The following ANO3 variants were observed in gnomAD, a reference collection of about 807,000 sequenced individuals.
ANO3 encodes the protein anoctamin 3, also known as anoctamin-3.
A neutral mutation model predicts 144.8 loss-of-function variants in ANO3; 99 were observed. The observed-to-expected ratio is 0.68, with a 90% CI of 0.58 to 0.81. ANO3 has a LOEUF of 0.81. ANO3 is among the 30% of genes least tolerant of loss of function. ANO3 has a pLI of 0.00. For synonymous variants in ANO3, 414 were observed against 392.6 expected, an observed-to-expected ratio of 1.05 and a Z score of -0.64; for missense variants, 905 against 1,202.2, an observed-to-expected ratio of 0.75 and a Z score of 3.66.
At chr11:26,565,255 T>C (rs1183723224) in intron 14 of ANO3, 2 of 1,587,192 alleles carry the variant, frequency 1.3e-6, no homozygotes, top group East Asian at 4.5e-5. Context: ...TGATAAGGGG[T>C]AAACCCAGTG....
chr11:26,512,200 T>C (rs746916610), intron 5 of ANO3, among the ~76,000 whole-genome samples: 41 of 152,222 alleles, frequency 2.7e-4, no homozygotes, highest in Non-Finnish European at 5.1e-4. Context: ...TCTTATCCTA[T>C]GTTCTTTCCA....
At position 26,303,633 on chromosome 11, in the gene ANO3, C is replaced by A. The variant is rs537314423; in HGVS notation, c.155-6012C>A. Among the ~76,000 whole-genome samples, 148 of 152,260 alleles carry A rather than the reference C, an allele frequency of 9.7e-4. 1 individual carries two copies. Among genetic ancestry groups the A allele is most frequent in the African/African-American group, 3.3e-3 (138 of 41,552 alleles). ...CTAGCTGATGGGATCATCCATATCC[C>A]AAACCTCAGCATCATGCAATATACC... On this transcript the variant is annotated intron_variant, in intron 1 of 27. Transcript: ENST00000672621.
At position 26,656,148 on chromosome 11, in the gene ANO3, A is replaced by G; in HGVS notation, c.2600A>G (p.Asn867Ser). 1.2e-6 allele frequency: 2 copies of G among 1,613,612 alleles called. No homozygotes were observed. The highest frequency in any genetic ancestry group is 8.5e-7 in the Non-Finnish European group (1 of 1,179,608). The change falls in exon 25 of 27, where the codon AAT becomes AGT. Residue 867 changes from asparagine (N) to serine (S), a missense_variant. By Grantham distance (46) the Asn-to-Ser change is conservative (BLOSUM62 1). Coordinates refer to ENST00000256737, the MANE Select transcript of ANO3 (RefSeq NM_031418.4). ...AGTTGCTTGAAGGGATATGTCAACA[A>G]TAGCCTATCCTTCTTTGACCTGAGT... ...SENCLKGYVN[N>S]SLSFFDLSEL...
intron 23 of ANO3, among the ~76,000 whole-genome samples, chr11:26,644,588 C>G (rs1565162884): frequency 6.6e-6 from 1 of 152,144 alleles, no homozygotes; most frequent in African/African-American, 2.4e-5. Flanking sequence ...GTACATTTCT[C>G]TATTTCTGCA....
chr11:26,452,067 C>T (rs1858964958), intron 3 of ANO3, among the ~76,000 whole-genome samples: 1 of 152,164 alleles, frequency 6.6e-6, no homozygotes, highest in African/African-American at 2.4e-5. Context: ...GACATCCACA[C>T]CAAAAGCCCA....
intron 17 of ANO3, among the ~76,000 whole-genome samples, chr11:26,622,810 G>A (rs1328943358): frequency 1.3e-5 from 2 of 152,108 alleles, no homozygotes; most frequent in Non-Finnish European, 2.9e-5. Flanking sequence ...TTGTTGTTAA[G>A]GAATAATAAT....
Position 26,474,169 on chromosome 11 carries a change from T to G in ANO3, c.432+11021T>G. ...CATCAATCTAGGAATTCTATACTAT[T>G]TTTCTATTTTCTTAAACATATGTAG... On this transcript the variant is annotated intron_variant, in intron 4 of 26. Transcript: ENST00000256737. 8 of 914,882 alleles carry G rather than the reference T, an allele frequency of 8.7e-6. No individual in the cohort carries two copies. In the South Asian group the frequency reaches 3.5e-4, roughly 40 times the overall value. The allele number at this position is 914,882 out of a possible 1,614,324, so 56.7% of individuals were successfully genotyped here.
At chr11:26,607,122 C>G (rs1851958349) in intron 17 of ANO3, among the ~76,000 whole-genome samples, 1 of 152,182 alleles carries the variant, frequency 6.6e-6, no homozygotes, top group African/African-American at 2.4e-5. Context: ...CCACTCTCTT[C>G]TGGCTTGTAG....
chr11:26,252,615 AG>A (rs905549484), intron 1 of ANO3, among the ~76,000 whole-genome samples: 2 of 152,128 alleles, frequency 1.3e-5, no homozygotes, highest in Non-Finnish European at 2.9e-5. Flanking sequence ...ATTTTATCCA[AG>A]GGTTCTTTCA....
At chr11:26,297,253 T>TA (rs148736760) in intron 1 of ANO3, among the ~76,000 whole-genome samples, 5 of 151,658 alleles carry the variant, frequency 3.3e-5, no homozygotes, top group South Asian at 2.1e-4. Context: ...TTCTTTTTTT[T>TA]ATCCCTTTTT....
At chr11:26,535,735 A>G (rs1590480860) in intron 9 of ANO3, among the ~76,000 whole-genome samples, 1 of 151,234 alleles carries the variant, frequency 6.6e-6, no homozygotes. Flanking sequence ...GGCACCCTCC[A>G]CCACGCCCGG....
At chr11:26,416,916 G>T (rs1249972103) in intron 1 of ANO3, among the ~76,000 whole-genome samples, 1 of 151,984 alleles carries the variant, frequency 6.6e-6, no homozygotes, top group Non-Finnish European at 1.5e-5. Context: ...TCTAAGGTGT[G>T]GTCTAAATTG....
rs1407133448 is a variant in ANO3 at position 26,619,323 on chromosome 11, G to C, written c.1837-5139G>C. ...GCATTCCTAAATAAATATTTAACTG[G>C]GGAGAAAAATATGGGCTAATACAAT... is the stretch of plus-strand genomic sequence containing the variant. On this transcript the variant is annotated intron_variant, in intron 17 of 26. Coordinates refer to ENST00000256737, the MANE Select transcript of ANO3 (RefSeq NM_031418.4). Among the ~76,000 whole-genome samples the C allele has an allele frequency of 2.0e-5, 3 of 151,972 alleles. No individual in the cohort carries two copies. In the East Asian group the frequency reaches 5.8e-4, roughly 29 times the overall value.
At chr11:26,599,879 A>G (rs1239786655) in intron 17 of ANO3, among the ~76,000 whole-genome samples, 165 bp downstream of exon 17, 8 of 152,148 alleles carry the variant, frequency 5.3e-5, no homozygotes, top group African/African-American at 1.9e-4. Context: ...TCATCTTTGT[A>G]GTTTAGATGA....
intron 1 of ANO3, among the ~76,000 whole-genome samples, chr11:26,416,242 A>T (rs1275213725): frequency 6.6e-6 from 1 of 151,972 alleles, no homozygotes; most frequent in Non-Finnish European, 1.5e-5. Flanking sequence ...TTAATAATGG[A>T]CAAATAATGC....
intron 4 of ANO3, among the ~76,000 whole-genome samples, chr11:26,499,971 A>C (rs1861126245): frequency 6.6e-6 from 1 of 150,570 alleles, no homozygotes; most frequent in Non-Finnish European, 1.5e-5. Flanking sequence ...CATTCTACCC[A>C]CTCCTCCCTC....
At chr11:26,223,629 G>T (rs1253405932) in intron 1 of ANO3, among the ~76,000 whole-genome samples, 3 of 150,032 alleles carry the variant, frequency 2.0e-5, no homozygotes, top group Non-Finnish European at 3.0e-5. Context: ...AAAACCCTGA[G>T]ATTGGGTAAT....
At chr11:26,524,026 T>C (rs887304989) in intron 6 of ANO3, among the ~76,000 whole-genome samples, 3 of 152,204 alleles carry the variant, frequency 2.0e-5, no homozygotes, top group African/African-American at 7.2e-5. Flanking sequence ...AGTAAGTGTT[T>C]ATGAAATGAA....
At chr11:26,232,529 G>T (rs547871951) in intron 1 of ANO3, among the ~76,000 whole-genome samples, 62 of 152,184 alleles carry the variant, frequency 4.1e-4, no homozygotes, top group African/African-American at 1.5e-3. Flanking sequence ...GCAAGCAATA[G>T]GGAAAGGATT....
Sources: gnomAD v4.1 joint callset for allele counts (sites outside exome capture counted in the v4.1 genomes callset) on GRCh38, gnomAD v4.1.1 for gene constraint, MANE v1.5 for transcripts, NCBI Gene and HGNC (gene_info 2026-07-23, HGNC 2026-07-21) for gene names.